The following DTNA variants were observed in gnomAD, a reference collection of about 807,000 sequenced individuals.
The protein encoded by DTNA is dystrophin-related protein 3.
A neutral mutation model predicts 100.7 loss-of-function variants in DTNA; 43 were observed. That is an observed-to-expected ratio of 0.43 (90% confidence interval 0.33 to 0.55). DTNA has a LOEUF of 0.55. DTNA is among the 20% of genes least tolerant of loss of function. The pLI, the probability that DTNA is intolerant of heterozygous loss-of-function variation, is 0.04. For missense variants in DTNA, 798 were observed against 953.9 expected, an observed-to-expected ratio of 0.84 and a Z score of 2.15; for synonymous variants, 349 against 347.9, an observed-to-expected ratio of 1.00 and a Z score of -0.04.
chr18:34,603,588 G>T (rs2052407805), intron 1 of DTNA, among the ~76,000 whole-genome samples: 1 of 151,748 alleles, frequency 6.6e-6, no homozygotes, highest in Non-Finnish European at 1.5e-5. Flanking sequence ...ACTTTAAATT[G>T]ACAGAGCTTG....
In DTNA at chr18:34,812,097, C is replaced by T. The variant is rs2095496644; in HGVS notation, c.587C>T (p.Ser196Phe). The change falls in exon 6 of 23, where the codon TCC (serine) becomes TTC (phenylalanine). Residue 196 changes from serine (S) to phenylalanine (F), a missense_variant. Around this residue, in one of 6 missense-constraint regions of DTNA, gnomAD observed 81 missense variants for 153.5 expected, o/e 0.53. Transcript: ENST00000444659. ...GGTTACACAGAACAGTCAGCCAGAT[C>T]CTGTTTCTCCCAACAGGTAGGAGAA... ...SFGYTEQSAR[S>F]CFSQQKKVTL... The T allele has an allele frequency of 6.2e-7, 1 of 1,613,894 alleles. No homozygotes were observed. The highest frequency in any genetic ancestry group is 8.5e-7 in the Non-Finnish European group (1 of 1,179,930).
chr18:34,789,410 A>G (rs893979581), intron 3 of DTNA, among the ~76,000 whole-genome samples: 1 of 152,240 alleles, frequency 6.6e-6, no homozygotes, highest in Non-Finnish European at 1.5e-5. Context: ...ATAAAGAGCC[A>G]AATCCTTATT....
At chr18:34,861,869 A>G (rs1319340517) in intron 16 of DTNA, among the ~76,000 whole-genome samples, 1 of 152,158 alleles carries the variant, frequency 6.6e-6, no homozygotes, top group Non-Finnish European at 1.5e-5. Context: ...TAATGGCAAA[A>G]ACCGCAGTTA....
At chr18:34,766,485 C>CACACGG (rs1555779164) in intron 3 of DTNA, among the ~76,000 whole-genome samples, 1 of 151,288 alleles carries the variant, frequency 6.6e-6, no homozygotes, top group East Asian at 1.9e-4. Context: ...ACAATGAGAA[C>CACACGG]ACACAGGAAG....
intron 13 of DTNA, among the ~76,000 whole-genome samples, chr18:34,840,061 CAT>C (rs1167614024): frequency 1.3e-5 from 2 of 152,142 alleles, no homozygotes; most frequent in East Asian, 1.9e-4. Context: ...AAGATTAATA[CAT>C]GAGATAATTT....
At chr18:34,768,208 T>A (rs1409073743) in intron 3 of DTNA, among the ~76,000 whole-genome samples, 2 of 152,104 alleles carry the variant, frequency 1.3e-5, no homozygotes, top group African/African-American at 2.4e-5. Flanking sequence ...AGACACTCTG[T>A]CCTCCTTAGA....
chr18:34,851,652 G>T (rs986954727), intron 14 of DTNA, among the ~76,000 whole-genome samples, 179 bp from the exon 15 acceptor site: 1 of 152,186 alleles, frequency 6.6e-6, no homozygotes, highest in African/African-American at 2.4e-5. Context: ...ATGTGCTCCA[G>T]ATCCACAGAA....
intron 1 of DTNA, among the ~76,000 whole-genome samples, chr18:34,563,580 T>TA (rs1011779983): frequency 6.6e-5 from 10 of 152,234 alleles, no homozygotes; most frequent in Non-Finnish European, 1.5e-4. Flanking sequence ...ATGTGCTTTG[T>TA]AAAGAAATAT....
At chr18:34,871,122 CTT>C (rs2096761416) in intron 17 of DTNA, among the ~76,000 whole-genome samples, 1 of 152,308 alleles carries the variant, frequency 6.6e-6, no homozygotes, top group African/African-American at 2.4e-5. Context: ...GAGGCAGACT[CTT>C]CAGGTCTAGC....
At chr18:34,531,345 A>G (rs749652807) in intron 1 of DTNA, among the ~76,000 whole-genome samples, 1 of 152,028 alleles carries the variant, frequency 6.6e-6, no homozygotes, top group Non-Finnish European at 1.5e-5. Context: ...TTGTTTCCTT[A>G]TCTCTCTCAT....
In DTNA at chr18:34,742,818, G is replaced by A. The variant is rs1384677506; in HGVS notation, c.-1-13158G>A. Among the ~76,000 whole-genome samples the A allele has an allele frequency of 2.6e-5, 4 of 151,978 alleles. No homozygotes were observed. The East Asian group carries it at 7.7e-4, about 29-fold the overall frequency. ...GAGTACAGAGCCTACTCACAAAGAGGAAGCACTTAATAAATGTTTATTATT... is the reference window on the plus strand; with the variant it reads ...GAGTACAGAGCCTACTCACAAAGAGAAAGCACTTAATAAATGTTTATTATT... On this transcript the variant is annotated intron_variant, in intron 1 of 22. Coordinates refer to ENST00000444659, the MANE Select transcript of DTNA (RefSeq NM_001386795.1).
intron 1 of DTNA, among the ~76,000 whole-genome samples, chr18:34,599,792 C>T (rs912550657): frequency 3.9e-5 from 6 of 152,102 alleles, no homozygotes; most frequent in South Asian, 4.1e-4. Context: ...ATTCTCCTGC[C>T]GCAGCCTCCC....
chr18:34,669,446 T>A (rs559974411), intron 1 of DTNA, among the ~76,000 whole-genome samples: 1 of 152,364 alleles, frequency 6.6e-6, no homozygotes, highest in African/African-American at 2.4e-5. Context: ...AATACTGTTA[T>A]GTGTGAATTT....
At chr18:34,683,772 C>A (rs2078460015) in intron 1 of DTNA, 1 of 152,104 alleles carries the variant, frequency 6.6e-6, no homozygotes, top group African/African-American at 2.4e-5. Context: ...TTATTTGATA[C>A]AGCTCTAAAA....
chr18:34,827,436 T>A lies in DTNA; in HGVS notation c.1002-157T>A, dbSNP rs879544467. The A allele has an allele frequency of 4.1e-5, 30 of 726,814 alleles. 1 individual carries two copies. The highest frequency in any genetic ancestry group is 6.9e-5 in the Non-Finnish European group (28 of 408,012). 45.0% of individuals were successfully genotyped at this position (726,814 alleles called of 1,614,324 possible). ...TCAAGGAAATGTAACTTTAAAACACTTAAGGAATTTAATTGGAAAATATAA... is the reference window on the plus strand; with the variant it reads ...TCAAGGAAATGTAACTTTAAAACACATAAGGAATTTAATTGGAAAATATAA... On this transcript the variant is annotated intron_variant, in intron 9 of 22. Coordinates refer to ENST00000444659, the MANE Select transcript of DTNA (RefSeq NM_001386795.1).
At chr18:34,654,810 T>A (rs1387817188) in intron 1 of DTNA, among the ~76,000 whole-genome samples, 1 of 152,096 alleles carries the variant, frequency 6.6e-6, no homozygotes, top group Non-Finnish European at 1.5e-5. Context: ...CACTGCAACC[T>A]CCGCCTCCTG....
At chr18:34,838,893 G>A in intron 13 of DTNA, 56 bp downstream of exon 13, 2 of 1,505,466 alleles carry the variant, frequency 1.3e-6, no homozygotes, top group Non-Finnish European at 1.8e-6. Context: ...GTCTGAGCTG[G>A]TGACAAGCAG....
intron 1 of DTNA, among the ~76,000 whole-genome samples, chr18:34,562,060 GT>G (rs2046690525): frequency 6.6e-6 from 1 of 152,136 alleles, no homozygotes; most frequent in Non-Finnish European, 1.5e-5. Context: ...ACTAGAGACT[GT>G]GGTAAAGTTA....
At chr18:34,562,261 C>T (rs892366078) in intron 1 of DTNA, among the ~76,000 whole-genome samples, 3 of 152,122 alleles carry the variant, frequency 2.0e-5, no homozygotes, top group Non-Finnish European at 4.4e-5. Context: ...TTTTAAAAAA[C>T]GAACCCTGCC....
Sources: allele counts gnomAD v4.1 joint callset (sites outside exome capture counted in the v4.1 genomes callset), GRCh38; gene constraint gnomAD v4.1.1; regional missense constraint gnomAD v4.1.1; transcripts MANE v1.5; gene names NCBI Gene and HGNC (gene_info 2026-07-23, HGNC 2026-07-21).